Variants in LAMA2 observed in about 807,000 individuals in gnomAD.
LAMA2 encodes the protein laminin subunit alpha 2.
In LAMA2, 269 loss-of-function variants were observed where a neutral mutation model predicts 364.8. The ratio of observed to expected loss-of-function variants is 0.74; its 90% CI spans 0.67 to 0.82. LAMA2 has a LOEUF of 0.82. Ranked by LOEUF, LAMA2 falls within the 40% of genes least tolerant of loss-of-function variation. The pLI, the probability that LAMA2 is intolerant of heterozygous loss-of-function variation, is 0.00. For synonymous variants in LAMA2, 1,379 were observed against 1,370.6 expected (o/e 1.01, Z -0.14); for missense variants, 3,807 against 3,873.2 (o/e 0.98, Z 0.45).
Position 129,481,327 on chromosome 6 carries a change from T to C in LAMA2, c.7637T>C (p.Val2546Ala), listed in dbSNP as rs955570688. The change falls in exon 55 of 65, where the codon GTA becomes GCA. Residue 2546 changes from valine (V) to alanine (A), a missense_variant. Coordinates refer to ENST00000421865, the MANE Select transcript of LAMA2 (RefSeq NM_000426.4). ...FVELSPVPID[V>A]GTEINLSFST... ...GAGCTCTCCCCTGTGCCAATTGATG[T>C]AGGAACAGAAATCAACCTGTCATTC... 6.2e-7 allele frequency: 1 copy of C among 1,613,748 alleles called. No homozygotes were observed. The highest frequency in any genetic ancestry group is 1.3e-5 in the African/African-American group (1 of 74,880).
intron 1 of LAMA2, among the ~76,000 whole-genome samples, chr6:128,982,427 A>T (rs1782944508): frequency 6.6e-6 from 1 of 152,154 alleles, no homozygotes; most frequent in African/African-American, 2.4e-5. Flanking sequence ...TGACAATTTT[A>T]TTTCAAAATT....
chr6:129,152,593 G>A (rs1177828345), intron 7 of LAMA2, among the ~76,000 whole-genome samples: 4 of 152,102 alleles, frequency 2.6e-5, no homozygotes, highest in Non-Finnish European at 5.9e-5. Flanking sequence ...CAGGCATTCT[G>A]CTAAGCATTC....
intron 29 of LAMA2, among the ~76,000 whole-genome samples, chr6:129,334,530 A>C (rs1775837568): frequency 6.6e-6 from 1 of 152,226 alleles, no homozygotes; most frequent in Non-Finnish European, 1.5e-5. Flanking sequence ...ATAGTCGAAG[A>C]ACCAATCAGT....
intron 8 of LAMA2, among the ~76,000 whole-genome samples, chr6:129,162,562 C>G (rs1359292731): frequency 6.6e-6 from 1 of 151,894 alleles, no homozygotes; most frequent in Non-Finnish European, 1.5e-5. Context: ...ATATTTTCCA[C>G]ATAGTTACAG....
intron 29 of LAMA2, among the ~76,000 whole-genome samples, chr6:129,332,526 A>G (rs989180329): frequency 6.6e-6 from 1 of 152,152 alleles, no homozygotes; most frequent in African/African-American, 2.4e-5. Context: ...TTTTAATTAC[A>G]ATCAAAATTA....
At chr6:129,350,769 A>G (rs1002545879) in intron 31 of LAMA2, among the ~76,000 whole-genome samples, 1 of 152,262 alleles carries the variant, frequency 6.6e-6, no homozygotes, top group African/African-American at 2.4e-5. Flanking sequence ...CAACAGCTGT[A>G]TTAATCATGG....
intron 52 of LAMA2, among the ~76,000 whole-genome samples, chr6:129,475,157 C>T (rs1784004731): frequency 6.6e-6 from 1 of 151,790 alleles, no homozygotes; most frequent in African/African-American, 2.4e-5. Flanking sequence ...TAAAAATTTT[C>T]CAAGCTGATA....
At chr6:129,091,951 C>T (rs17056793) in intron 3 of LAMA2, among the ~76,000 whole-genome samples, 5 of 152,244 alleles carry the variant, frequency 3.3e-5, no homozygotes, top group Admixed American at 2.0e-4. Flanking sequence ...AGATTGCCTA[C>T]ACATTTTTGT....
Position 129,475,397 on chromosome 6 carries a change from G to A in LAMA2, c.7447G>A (p.Ala2483Thr). The change falls in exon 53 of 65, where the codon GCA becomes ACA. Residue 2483 changes from alanine (A) to threonine (T), a missense_variant. Physicochemically the swap from Ala to Thr is moderately conservative, Grantham distance 58. Transcript: ENST00000421865. ...LPTLRNLSMK[A>T]RPEVNLKKYS... ...CTCTTTCCCGTTATCTAGTATGAAA[G>A]CAAGGTAAAATTTAAATTTATGCAT... The A allele has an allele frequency of 6.4e-7, 1 of 1,560,174 alleles. No individual in the cohort carries two copies.
intron 55 of LAMA2, among the ~76,000 whole-genome samples, chr6:129,482,954 T>C (rs2784901): frequency 0.34 from 51,901 of 150,970 alleles, 10,003 homozygotes; most frequent in African/African-American, 0.54. Flanking sequence ...ATAATCCCAG[T>C]TACTTGGGAG....
intron 62 of LAMA2, 45 bp downstream of exon 62, chr6:129,507,687 A>C (rs773444383): frequency 7.2e-5 from 113 of 1,578,670 alleles, no homozygotes; most frequent in Non-Finnish European, 9.1e-5. Context: ...AACTAGATAC[A>C]AATACTAACT....
intron 10 of LAMA2, 91 bp from the exon 11 acceptor site, chr6:129,190,114 A>C (rs1410213804): frequency 1.6e-6 from 2 of 1,253,184 alleles, no homozygotes; most frequent in East Asian, 4.7e-5. Flanking sequence ...AAAATGAAGA[A>C]TGTACAGTTA....
intron 42 of LAMA2, among the ~76,000 whole-genome samples, chr6:129,440,489 C>G (rs191772818): frequency 6.6e-6 from 1 of 152,010 alleles, no homozygotes; most frequent in Non-Finnish European, 1.5e-5. Flanking sequence ...TCTTAAGCCT[C>G]GTTTTCATGA....
chr6:129,248,319 A>T lies in LAMA2; in HGVS notation c.1783-1793A>T, dbSNP rs138084654. Among the ~76,000 whole-genome samples, 1,434 of 152,262 alleles carry T rather than the reference A, an allele frequency of 9.4e-3. 12 individuals carry two copies. Among genetic ancestry groups the T allele is most frequent in the Non-Finnish European group, 0.016 (1,056 of 68,016 alleles). On this transcript the variant is annotated intron_variant, in intron 12 of 64. Transcript: ENST00000421865. ...GTGCTGCAAGTTTCCATTATATGTG[A>T]CTTTATTATAAATAGGTATGAAAAA... is the stretch of plus-strand genomic sequence containing the variant.
intron 12 of LAMA2, among the ~76,000 whole-genome samples, chr6:129,205,491 TATACACACACACAC>T (rs1215263212): frequency 1.5e-4 from 18 of 123,090 alleles, no homozygotes; most frequent in Non-Finnish European, 2.1e-4. Context: ...TATATATATA[TATACACACACACAC>T]ACACACACAC....
chr6:128,993,264 GA>G (rs1463292782), intron 1 of LAMA2, among the ~76,000 whole-genome samples: 1 of 152,200 alleles, frequency 6.6e-6, no homozygotes, highest in Non-Finnish European at 1.5e-5. Flanking sequence ...GCAGAAAGTG[GA>G]AAAATGTATA....
chr6:129,402,692 G>A (rs531741498), intron 39 of LAMA2, among the ~76,000 whole-genome samples: 1 of 152,180 alleles, frequency 6.6e-6, no homozygotes, highest in Non-Finnish European at 1.5e-5. Flanking sequence ...TGATTTACAA[G>A]TAGACTCAAA....
chr6:129,213,826 G>A (rs1783256570), intron 12 of LAMA2, among the ~76,000 whole-genome samples: 1 of 152,054 alleles, frequency 6.6e-6, no homozygotes. Context: ...TCTCTTCACA[G>A]TGTCTTTCAC....
chr6:129,447,898 T>A (rs1782470105), intron 45 of LAMA2, among the ~76,000 whole-genome samples: 1 of 152,256 alleles, frequency 6.6e-6, no homozygotes, highest in Admixed American at 6.5e-5. Context: ...TTATTATTTC[T>A]TCATTGTAAA....
Sources: gnomAD v4.1 joint callset for allele counts (sites outside exome capture counted in the v4.1 genomes callset) on GRCh38, gnomAD v4.1.1 for gene constraint, MANE v1.5 for transcripts, NCBI Gene and HGNC (gene_info 2026-07-23, HGNC 2026-07-21) for gene names.